The following MBOAT1 variants were observed in gnomAD, a reference collection of about 807,000 sequenced individuals.
MBOAT1 encodes the protein membrane-bound glycerophospholipid O-acyltransferase 1.
A neutral mutation model predicts 64.4 loss-of-function variants in MBOAT1; 67 were observed. The observed-to-expected ratio is 1.04, with a 90% CI of 0.85 to 1.27. The LOEUF (loss-of-function observed/expected upper bound fraction) is 1.27, where lower values mean the gene tolerates loss of function less well. MBOAT1 is among the 50% of genes most tolerant of loss of function. The probability of loss-of-function intolerance (pLI) is 0.00; values close to 1 mark genes in which losing one functional copy is unlikely to be tolerated. For missense variants in MBOAT1, 563 were observed against 604.6 expected (o/e 0.93, Z 0.72); for synonymous variants, 229 against 218.9 (o/e 1.05, Z -0.41).
intron 11 of MBOAT1, among the ~76,000 whole-genome samples, chr6:20,111,850 A>ATATACGCGTATATATACG (rs1561746309): frequency 9.6e-5 from 9 of 93,372 alleles, no homozygotes; most frequent in African/African-American, 3.6e-4. Flanking sequence ...ATATATACAT[A>ATATACGCGTATATATACG]TATATATACA....
At chr6:20,142,505 A>G (rs843324) in intron 4 of MBOAT1, among the ~76,000 whole-genome samples, 20,270 of 152,228 alleles carry the variant, frequency 0.13, 1,405 homozygotes, top group Middle Eastern at 0.2. Context: ...GCTGGAGTGC[A>G]GTGGCGCGAT....
At chr6:20,207,823 G>A (rs1265651894) in intron 1 of MBOAT1, among the ~76,000 whole-genome samples, 1 of 152,202 alleles carries the variant, frequency 6.6e-6, no homozygotes, top group African/African-American at 2.4e-5. Flanking sequence ...TCTGTTCCAC[G>A]ACGGCACCAT....
At position 20,212,003 on chromosome 6, in the gene MBOAT1, CAA is replaced by C. The variant is rs1012812455; in HGVS notation, c.99+131_99+132del. The C allele has an allele frequency of 1.7e-4, 123 of 722,216 alleles. 1 individual carries two copies. The highest frequency in any genetic ancestry group is 3.1e-4 in the Middle Eastern group (1 of 3,246). The allele number at this position is 722,216 out of a possible 1,614,324, so 44.7% of individuals were successfully genotyped here. A position where few individuals can be genotyped will look rare whatever the true frequency, so the allele number is the denominator to read the frequency against. Reference sequence around the variant, plus strand: ...ACACACACACACACACACACACACACAAAAACCAACTGTCTAGTGTGTGGCTG... The same window carrying C: ...ACACACACACACACACACACACACACAAACCAACTGTCTAGTGTGTGGCTG... On this transcript the variant is annotated intron_variant, in intron 1 of 12. Coordinates refer to ENST00000324607, the MANE Select transcript of MBOAT1 (RefSeq NM_001080480.3).
At chr6:20,128,001 C>G (rs1338027863) in intron 6 of MBOAT1, among the ~76,000 whole-genome samples, 1 of 152,102 alleles carries the variant, frequency 6.6e-6, no homozygotes, top group Non-Finnish European at 1.5e-5. Flanking sequence ...TTCCTTAATG[C>G]AGGAATGAAG....
At chr6:20,200,032 G>A (rs1021311398) in intron 1 of MBOAT1, among the ~76,000 whole-genome samples, 1 of 152,178 alleles carries the variant, frequency 6.6e-6, no homozygotes, top group African/African-American at 2.4e-5. Flanking sequence ...GGGACAATGG[G>A]CAATTATCTT....
chr6:20,139,392 C>A (rs888044061), intron 4 of MBOAT1, among the ~76,000 whole-genome samples: 4 of 152,028 alleles, frequency 2.6e-5, no homozygotes, highest in Non-Finnish European at 4.4e-5. Context: ...CTGTGAGCAA[C>A]GGTGCCCCGC....
At chr6:20,204,452 G>T (rs1398788512) in intron 1 of MBOAT1, among the ~76,000 whole-genome samples, 1 of 152,188 alleles carries the variant, frequency 6.6e-6, no homozygotes. Context: ...AGTCAGGCAG[G>T]ACAGAGAGAC....
At chr6:20,112,283 T>C (rs1035576126) in intron 11 of MBOAT1, among the ~76,000 whole-genome samples, 2 of 152,028 alleles carry the variant, frequency 1.3e-5, no homozygotes, top group Non-Finnish European at 2.9e-5. Context: ...AACAAGCAAA[T>C]TGCAGAACAA....
chr6:20,110,959 A>T lies in MBOAT1; in HGVS notation c.1210-1210T>A, dbSNP rs192484160. The stretch of plus-strand genomic sequence containing the variant: ...ATAATATTACTATTACTACTAATAC[A>T]AGCAGCTACCATTTGCTGAGTGCTT... On this transcript the variant is annotated intron_variant, in intron 11 of 12. Transcript: ENST00000324607. 8.7e-3 allele frequency among the ~76,000 whole-genome samples: 1,321 copies of T among 152,296 alleles called. 7 individuals carry two copies. The highest frequency in any genetic ancestry group is 0.014 in the Non-Finnish European group (944 of 68,030).
chr6:20,208,445 C>CCAAAAAAAAAAAAAAAAA (rs1763324274), intron 1 of MBOAT1, among the ~76,000 whole-genome samples: 1 of 74,818 alleles, frequency 1.3e-5, no homozygotes, highest in Non-Finnish European at 2.7e-5. Flanking sequence ...GACTCTGTCT[C>CCAAAAAAAAAAAAAAAAA]AAAAAAAAAA....
chr6:20,183,461 A>T (rs1461600870), intron 1 of MBOAT1, among the ~76,000 whole-genome samples: 1 of 152,180 alleles, frequency 6.6e-6, no homozygotes, highest in Non-Finnish European at 1.5e-5. Flanking sequence ...TTCTGATTAT[A>T]CTTTGAATTT....
chr6:20,205,361 T>G (rs1763232432), intron 1 of MBOAT1, among the ~76,000 whole-genome samples: 1 of 152,236 alleles, frequency 6.6e-6, no homozygotes, highest in Admixed American at 6.5e-5. Flanking sequence ...GAGTTGTCAG[T>G]GTCCTTAAGC....
chr6:20,206,826 G>A (rs79039335), intron 1 of MBOAT1, among the ~76,000 whole-genome samples: 9 of 152,048 alleles, frequency 5.9e-5, no homozygotes, highest in South Asian at 2.1e-4. Context: ...ACCCTCAGGC[G>A]CACACCCCGA....
At chr6:20,195,114 G>A (rs962379993) in intron 1 of MBOAT1, among the ~76,000 whole-genome samples, 5 of 151,884 alleles carry the variant, frequency 3.3e-5, no homozygotes, top group South Asian at 4.2e-4. Flanking sequence ...CACCATGCCC[G>A]GCTAATTTTT....
intron 5 of MBOAT1, 30 bp downstream of exon 5, chr6:20,131,114 G>A (rs746127968): frequency 4.4e-6 from 7 of 1,602,230 alleles, no homozygotes; most frequent in African/African-American, 2.7e-5. Context: ...GGCTCACTCT[G>A]AGAACCAAAA....
At chr6:20,132,532 A>G (rs192837277) in intron 4 of MBOAT1, among the ~76,000 whole-genome samples, 4 of 152,350 alleles carry the variant, frequency 2.6e-5, no homozygotes, top group African/African-American at 7.2e-5. Flanking sequence ...AACAAATGGT[A>G]TTGGGACAAT....
chr6:20,115,180 G>A, intron 10 of MBOAT1, 108 bp downstream of exon 10: 2 of 801,650 alleles, frequency 2.5e-6, no homozygotes, highest in South Asian at 2.9e-5. Context: ...TACAAAACAA[G>A]AGTGTCAGAT....
intron 1 of MBOAT1, among the ~76,000 whole-genome samples, chr6:20,173,414 C>T (rs574749613): frequency 6.6e-6 from 1 of 151,794 alleles, no homozygotes; most frequent in South Asian, 2.1e-4. Context: ...TCTCAAAATT[C>T]CATGAATCAT....
At chr6:20,174,146 G>T (rs993850504) in intron 1 of MBOAT1, among the ~76,000 whole-genome samples, 7 of 152,182 alleles carry the variant, frequency 4.6e-5, no homozygotes, top group African/African-American at 1.7e-4. Flanking sequence ...CCAATTGAAT[G>T]TGAGGGTCTC....
Sources: allele counts gnomAD v4.1 joint callset (sites outside exome capture counted in the v4.1 genomes callset), GRCh38; gene constraint gnomAD v4.1.1; transcripts MANE v1.5; gene names NCBI Gene and HGNC (gene_info 2026-07-23, HGNC 2026-07-21).